MIS18A: variants seen among roughly 807,000 people sequenced by gnomAD.
MIS18A encodes the protein protein Mis18-alpha.
MIS18A carries 14 observed loss-of-function variants against 25.0 expected under a neutral mutation model. The ratio of observed to expected loss-of-function variants is 0.56; its 90% CI spans 0.37 to 0.88. The LOEUF is 0.88. MIS18A is among the 40% of genes least tolerant of loss of function. The probability of loss-of-function intolerance (pLI) is 0.00; values close to 1 mark genes in which losing one functional copy is unlikely to be tolerated. For missense variants in MIS18A, 292 were observed against 290.8 expected (o/e 1.00, Z -0.03); for synonymous variants, 134 against 118.6 (o/e 1.13, Z -0.84).
the MIS18A span, among the ~76,000 whole-genome samples, chr21:32,191,468 T>C: frequency 6.6e-6 from 1 of 152,280 alleles, no homozygotes; most frequent in Admixed American, 6.5e-5. Context: ...GGTGCAAGCC[T>C]GTAGTCCTAG....
At chr21:32,251,433 C>T in the MIS18A span, among the ~76,000 whole-genome samples, 3 of 152,128 alleles carry the variant, frequency 2.0e-5, no homozygotes, top group African/African-American at 7.2e-5. Context: ...CACTCTCCCT[C>T]TTCAGGTTGG....
chr21:32,175,102 ATTGCTCC>A, the MIS18A span, among the ~76,000 whole-genome samples: 1 of 152,212 alleles, frequency 6.6e-6, no homozygotes, highest in African/African-American at 2.4e-5. Flanking sequence ...GGTATAGACT[ATTGCTCC>A]CAGGCTACTA....
chr21:32,256,605 C>A, the MIS18A span, among the ~76,000 whole-genome samples: 1 of 152,134 alleles, frequency 6.6e-6, no homozygotes. Flanking sequence ...TTTTTATAGT[C>A]CTACTAATGA....
chr21:32,266,028 T>C (rs1188554225), downstream of MIS18A, among the ~76,000 whole-genome samples: 1 of 152,104 alleles, frequency 6.6e-6, no homozygotes, highest in Non-Finnish European at 1.5e-5. Context: ...ACACTCTGTA[T>C]CTAGCTGCTC....
At chr21:32,266,558 A>G (rs971509107), downstream of MIS18A, among the ~76,000 whole-genome samples, 1 of 152,044 alleles carries the variant, frequency 6.6e-6, no homozygotes, top group African/African-American at 2.4e-5. Context: ...CAGTGAGACC[A>G]CTAGCCCACC....
the MIS18A span, among the ~76,000 whole-genome samples, chr21:32,183,828 G>C: frequency 1.3e-5 from 2 of 152,200 alleles, no homozygotes; most frequent in Non-Finnish European, 2.9e-5. Flanking sequence ...ATGGAAGGAA[G>C]TGGTCACCAC....
At chr21:32,235,063 C>T in the MIS18A span, among the ~76,000 whole-genome samples, 1 of 152,142 alleles carries the variant, frequency 6.6e-6, no homozygotes, top group Admixed American at 6.5e-5. Context: ...GCAGATATAG[C>T]TAATTGATCA....
At chr21:32,254,965 C>T in the MIS18A span, among the ~76,000 whole-genome samples, 1 of 152,160 alleles carries the variant, frequency 6.6e-6, no homozygotes, top group Non-Finnish European at 1.5e-5. Flanking sequence ...AAATATTATG[C>T]AGTCATTGAA....
At chr21:32,238,812 A>G in the MIS18A span, among the ~76,000 whole-genome samples, 2 of 152,278 alleles carry the variant, frequency 1.3e-5, no homozygotes, top group South Asian at 4.1e-4. Context: ...TGTCAAGAAG[A>G]GGGAGGGGTG....
chr21:32,156,476 G>A, the MIS18A span: 1 of 152,186 alleles, frequency 6.6e-6, no homozygotes, highest in Non-Finnish European at 1.5e-5. Context: ...TACATGAGCA[G>A]ATTTACATGT....
downstream of MIS18A, among the ~76,000 whole-genome samples, chr21:32,263,299 A>G (rs1191599054): frequency 6.6e-6 from 1 of 152,226 alleles, no homozygotes; most frequent in East Asian, 1.9e-4. Flanking sequence ...TGTAATCCCT[A>G]AAGTCTTAGA....
At chr21:32,254,138 G>A in the MIS18A span, among the ~76,000 whole-genome samples, 1 of 152,200 alleles carries the variant, frequency 6.6e-6, no homozygotes, top group African/African-American at 2.4e-5. Context: ...GGCTGAGGCA[G>A]GAGACTCACT....
chr21:32,180,200 T>C, the MIS18A span, among the ~76,000 whole-genome samples: 42,797 of 152,112 alleles, frequency 0.28, 6,428 homozygotes, highest in East Asian at 0.42. Flanking sequence ...AGTTCTTCGC[T>C]TTCAGACAGG....
the MIS18A span, among the ~76,000 whole-genome samples, chr21:32,179,225 C>T: frequency 6.6e-6 from 1 of 152,046 alleles, no homozygotes; most frequent in Admixed American, 6.6e-5. Context: ...AAATTAGGAA[C>T]TCTCTAGACT....
chr21:32,264,759 G>A (rs1031072232), downstream of MIS18A, among the ~76,000 whole-genome samples: 1 of 152,090 alleles, frequency 6.6e-6, no homozygotes, highest in Non-Finnish European at 1.5e-5. Flanking sequence ...ATTCTGCAAC[G>A]GGTCCCTCTC....
At chr21:32,258,453 C>A in the MIS18A span, among the ~76,000 whole-genome samples, 4 of 152,124 alleles carry the variant, frequency 2.6e-5, no homozygotes, top group Non-Finnish European at 2.9e-5. Flanking sequence ...TTGGACAGGG[C>A]CTCCTGCAGC....
chr21:32,179,357 A>G, the MIS18A span, among the ~76,000 whole-genome samples: 566 of 152,256 alleles, frequency 3.7e-3, 6 homozygotes, highest in African/African-American at 0.013. Flanking sequence ...TCCCAGGTTT[A>G]GTGGAGGTGA....
the MIS18A span, among the ~76,000 whole-genome samples, chr21:32,261,832 G>T: frequency 6.6e-6 from 1 of 152,242 alleles, no homozygotes; most frequent in Non-Finnish European, 1.5e-5. Flanking sequence ...GCAGAAGAGG[G>T]GCTGGGGGAT....
At chr21:32,160,889 C>T in the MIS18A span, among the ~76,000 whole-genome samples, 1 of 152,156 alleles carries the variant, frequency 6.6e-6, no homozygotes, top group African/African-American at 2.4e-5. Context: ...CCTCAGCCTC[C>T]CAAAGTGCTG....
Sources: allele counts gnomAD v4.1 joint callset (sites outside exome capture counted in the v4.1 genomes callset), GRCh38; gene constraint gnomAD v4.1.1; transcripts MANE v1.5; gene names NCBI Gene and HGNC (gene_info 2026-07-23, HGNC 2026-07-21).